MGMT: variants seen among roughly 807,000 people sequenced by gnomAD.
MGMT encodes O-6-methylguanine-DNA methyltransferase, also known as methylated-DNA--protein-cysteine methyltransferase.
MGMT carries 14 observed loss-of-function variants against 15.9 expected under a neutral mutation model. The observed-to-expected ratio is 0.88, with a 90% CI of 0.58 to 1.37. The LOEUF (loss-of-function observed/expected upper bound fraction) is 1.37. Ranked by LOEUF, MGMT falls within the 40% of genes most tolerant of loss-of-function variation. MGMT has a pLI of 0.00. For missense variants in MGMT, 282 were observed against 268.1 expected (o/e 1.05, Z -0.36); for synonymous variants, 130 against 118.2 (o/e 1.10, Z -0.65).
chr10:129,668,741 A>G (rs972862771), intron 2 of MGMT, among the ~76,000 whole-genome samples: 2 of 152,218 alleles, frequency 1.3e-5, no homozygotes, highest in Admixed American at 6.5e-5. Flanking sequence ...CCATTAGTAT[A>G]TAAATGAATC....
intron 2 of MGMT, among the ~76,000 whole-genome samples, chr10:129,547,848 G>A (rs1238516629): frequency 6.6e-6 from 1 of 152,194 alleles, no homozygotes; most frequent in African/African-American, 2.4e-5. Flanking sequence ...CTTCTAAACA[G>A]ATCTGCACTG....
At chr10:129,597,348 C>T (rs1464794132) in intron 2 of MGMT, among the ~76,000 whole-genome samples, 1 of 152,190 alleles carries the variant, frequency 6.6e-6, no homozygotes, top group Non-Finnish European at 1.5e-5. Flanking sequence ...TTGGGGACTT[C>T]TCAGACATTA....
intron 3 of MGMT, among the ~76,000 whole-genome samples, chr10:129,720,805 T>A (rs898261685): frequency 1.3e-5 from 2 of 152,240 alleles, no homozygotes; most frequent in Non-Finnish European, 2.9e-5. Flanking sequence ...TTTTGTTTAA[T>A]GTCCCTGGAC....
At chr10:129,646,129 GC>G (rs2133093495) in intron 2 of MGMT, among the ~76,000 whole-genome samples, 1 of 152,294 alleles carries the variant, frequency 6.6e-6, no homozygotes, top group African/African-American at 2.4e-5. Context: ...ACTAATGTTG[GC>G]AAAGTCACAC....
chr10:129,695,635 T>C (rs1367911478), intron 2 of MGMT, among the ~76,000 whole-genome samples: 1 of 152,208 alleles, frequency 6.6e-6, no homozygotes, highest in African/African-American at 2.4e-5. Flanking sequence ...TGGAGATGAA[T>C]TGTGTCAATT....
chr10:129,664,086 C>A (rs752528504), intron 2 of MGMT, among the ~76,000 whole-genome samples: 21 of 152,062 alleles, frequency 1.4e-4, no homozygotes, highest in Non-Finnish European at 2.1e-4. Context: ...GATTCCGACA[C>A]CTCATTAGTA....
intron 2 of MGMT, among the ~76,000 whole-genome samples, chr10:129,688,991 T>C (rs1389554355): frequency 1.3e-5 from 2 of 152,114 alleles, no homozygotes; most frequent in African/African-American, 2.4e-5. Context: ...AGGGTCTCGC[T>C]GTGTCACCCA....
intron 2 of MGMT, among the ~76,000 whole-genome samples, chr10:129,648,027 T>A (rs1385908799): frequency 6.6e-6 from 1 of 152,220 alleles, no homozygotes; most frequent in Non-Finnish European, 1.5e-5. Flanking sequence ...ACAGAGCAGT[T>A]TATATGTAAA....
At chr10:129,517,627 G>A (rs965914401) in intron 1 of MGMT, among the ~76,000 whole-genome samples, 2 of 152,182 alleles carry the variant, frequency 1.3e-5, no homozygotes, top group Non-Finnish European at 2.9e-5. Flanking sequence ...GCCGTATGTC[G>A]CACAAGGCTT....
Position 129,470,016 on chromosome 10 carries a change from A to G in MGMT, c.-13+2720A>G, listed in dbSNP as rs1315540046. Among the ~76,000 whole-genome samples the G allele has an allele frequency of 3.9e-5, 6 of 152,178 alleles. No homozygotes were observed. The East Asian group carries it at 9.6e-4, about 24-fold the overall frequency. ...CATGAGCCACCATGCCTGGCCTCGC[A>G]GGATATTATTTAAACGAAACCTGAA... On this transcript the variant is annotated intron_variant, in intron 1 of 4. Coordinates refer to ENST00000651593, the MANE Select transcript of MGMT (RefSeq NM_002412.5).
intron 1 of MGMT, among the ~76,000 whole-genome samples, chr10:129,523,482 C>T (rs1386105560): frequency 6.6e-6 from 1 of 152,130 alleles, no homozygotes; most frequent in Admixed American, 6.5e-5. Context: ...GCTGAGGTCT[C>T]GGATGTCTCG....
intron 2 of MGMT, among the ~76,000 whole-genome samples, chr10:129,599,580 C>A (rs1392314379): frequency 6.6e-6 from 1 of 152,178 alleles, no homozygotes; most frequent in South Asian, 2.1e-4. Flanking sequence ...GCATTTCCAA[C>A]CATTGTCCTT....
intron 1 of MGMT, among the ~76,000 whole-genome samples, chr10:129,517,006 G>A (rs1396826717): frequency 6.6e-6 from 1 of 152,232 alleles, no homozygotes; most frequent in African/African-American, 2.4e-5. Context: ...TGGTGGTGGG[G>A]CTCCAATGGA....
chr10:129,708,139 G>A, intron 3 of MGMT, 96 bp downstream of exon 3: 1 of 1,472,602 alleles, frequency 6.8e-7, no homozygotes, highest in Non-Finnish European at 9.1e-7. Flanking sequence ...ATACCAACTT[G>A]GTATTTTTAC....
intron 2 of MGMT, among the ~76,000 whole-genome samples, chr10:129,646,754 A>ATATTTTTTTTTTTTTTT: frequency 4.6e-5 from 4 of 86,664 alleles, no homozygotes; most frequent in Admixed American, 1.2e-4. Flanking sequence ...ATATATATAT[A>ATATTTTTTTTTTTTTTT]TTTTCAGGGA....
intron 2 of MGMT, among the ~76,000 whole-genome samples, chr10:129,544,000 A>G (rs948793731): frequency 2.4e-4 from 37 of 152,158 alleles, no homozygotes; most frequent in African/African-American, 8.5e-4. Context: ...AGAGAGGTGG[A>G]TGTTTCTGCC....
chr10:129,477,173 A>ATGCTCTGC (rs1845305153), intron 1 of MGMT, among the ~76,000 whole-genome samples: 2 of 152,114 alleles, frequency 1.3e-5, no homozygotes, highest in Admixed American at 1.3e-4. Context: ...CCACGCAGAC[A>ATGCTCTGC]TGCTCTGCTG....
At chr10:129,648,434 T>C (rs553102266) in intron 2 of MGMT, among the ~76,000 whole-genome samples, 31 of 152,330 alleles carry the variant, frequency 2.0e-4, no homozygotes, top group South Asian at 4.2e-4. Flanking sequence ...AGACTTTGCA[T>C]TTCAAATTTT....
intron 2 of MGMT, among the ~76,000 whole-genome samples, chr10:129,611,809 T>A (rs1846964443): frequency 6.6e-6 from 1 of 152,194 alleles, no homozygotes; most frequent in South Asian, 2.1e-4. Context: ...CACCTGCCTC[T>A]GAGCTCCTAG....
Sources: allele counts gnomAD v4.1 joint callset (sites outside exome capture counted in the v4.1 genomes callset), GRCh38; gene constraint gnomAD v4.1.1; transcripts MANE v1.5; gene names NCBI Gene and HGNC (gene_info 2026-07-23, HGNC 2026-07-21).